Variants in CLNK observed in about 807,000 individuals in gnomAD.
The protein encoded by CLNK is cytokine-dependent hematopoietic cell linker.
CLNK carries 74 observed loss-of-function variants against 68.6 expected under a neutral mutation model. The observed-to-expected ratio is 1.08, with a 90% CI of 0.89 to 1.31. The LOEUF is 1.31. Among genes scored for constraint, CLNK ranks in the 50% most tolerant of loss-of-function variants. The pLI, the probability that CLNK is intolerant of heterozygous loss-of-function variation, is 0.00. For missense variants in CLNK, 553 were observed against 515.3 expected (o/e 1.07, Z -0.71); for synonymous variants, 198 against 172.2 (o/e 1.15, Z -1.17).
chr4:10,676,854 C>G (rs557734377), intron 1 of CLNK, among the ~76,000 whole-genome samples: 2 of 151,636 alleles, frequency 1.3e-5, no homozygotes, highest in African/African-American at 4.8e-5. Flanking sequence ...TCTCTCTGCT[C>G]TTATTATTAA....
At chr4:10,617,109 C>T (rs1722266464) in intron 2 of CLNK, among the ~76,000 whole-genome samples, 1 of 152,038 alleles carries the variant, frequency 6.6e-6, no homozygotes. Context: ...TAAGTTAATG[C>T]TACTATCCTT....
At chr4:10,522,128 G>A (rs1025740761) in intron 14 of CLNK, among the ~76,000 whole-genome samples, 1 of 151,650 alleles carries the variant, frequency 6.6e-6, no homozygotes, top group Non-Finnish European at 1.5e-5. Flanking sequence ...CATGGTGGTG[G>A]GCACCTGTAG....
At chr4:10,540,396 A>G in intron 11 of CLNK, 98 bp downstream of exon 11, 1 of 835,212 alleles carries the variant, frequency 1.2e-6, no homozygotes, top group South Asian at 1.5e-5. Flanking sequence ...CCCATTAGGG[A>G]GCCTGCTCTG....
intron 14 of CLNK, among the ~76,000 whole-genome samples, chr4:10,524,363 G>A (rs1718215420): frequency 6.6e-6 from 1 of 152,156 alleles, no homozygotes; most frequent in African/African-American, 2.4e-5. Flanking sequence ...TGTTCGTTGG[G>A]CTCTTGCAAC....
At chr4:10,657,713 G>T (rs1185341462) in intron 2 of CLNK, among the ~76,000 whole-genome samples, 1 of 152,166 alleles carries the variant, frequency 6.6e-6, no homozygotes, top group Non-Finnish European at 1.5e-5. Flanking sequence ...CCAAAAGGAG[G>T]CATTTCAGGG....
At chr4:10,661,321 C>T (rs980606746) in intron 2 of CLNK, among the ~76,000 whole-genome samples, 3 of 152,206 alleles carry the variant, frequency 2.0e-5, no homozygotes, top group Non-Finnish European at 2.9e-5. Context: ...GAACTGAATA[C>T]ATTTTATTGT....
At chr4:10,709,342 T>G in the CLNK span, among the ~76,000 whole-genome samples, 1 of 152,174 alleles carries the variant, frequency 6.6e-6, no homozygotes, top group African/African-American at 2.4e-5. Context: ...GTACTCAGAG[T>G]GACTTTCTTG....
chr4:10,515,002 C>T (rs977890571), intron 15 of CLNK, among the ~76,000 whole-genome samples: 6 of 152,226 alleles, frequency 3.9e-5, no homozygotes, highest in South Asian at 2.1e-4. Context: ...TTCGGGAGGC[C>T]GAGGCGGGTC....
intron 15 of CLNK, among the ~76,000 whole-genome samples, chr4:10,513,948 G>A (rs1435862301): frequency 2.0e-4 from 28 of 140,946 alleles, no homozygotes; most frequent in African/African-American, 7.0e-4. Context: ...ATGCTGGTGC[G>A]CTGCACCCAC....
At chr4:10,661,942 A>C (rs560256203) in intron 2 of CLNK, among the ~76,000 whole-genome samples, 2 of 152,284 alleles carry the variant, frequency 1.3e-5, no homozygotes, top group Admixed American at 6.5e-5. Flanking sequence ...ACCTCTACGA[A>C]TCTCTCCACC....
At chr4:10,599,940 T>C (rs1721528471) in intron 2 of CLNK, among the ~76,000 whole-genome samples, 1 of 152,254 alleles carries the variant, frequency 6.6e-6, no homozygotes, top group Non-Finnish European at 1.5e-5. Context: ...AGAACCTTTG[T>C]AATTATTAAT....
the CLNK span, among the ~76,000 whole-genome samples, chr4:10,720,415 G>C: frequency 1.3e-5 from 2 of 151,918 alleles, no homozygotes; most frequent in African/African-American, 4.8e-5. Context: ...AATTAAATTA[G>C]AAAGTAGGCT....
intron 11 of CLNK, among the ~76,000 whole-genome samples, chr4:10,539,614 G>A (rs1422087864): frequency 6.6e-6 from 1 of 152,200 alleles, no homozygotes; most frequent in Non-Finnish European, 1.5e-5. Context: ...AATGAAATAT[G>A]CTCACTCGAG....
the CLNK span, among the ~76,000 whole-genome samples, chr4:10,693,640 C>T: frequency 1.3e-5 from 2 of 152,192 alleles, no homozygotes; most frequent in African/African-American, 4.8e-5. Flanking sequence ...TTGTAAACCA[C>T]CCAGTTGGTG....
intron 1 of CLNK, among the ~76,000 whole-genome samples, chr4:10,673,080 T>A (rs541080417): frequency 2.0e-5 from 3 of 152,306 alleles, no homozygotes; most frequent in Non-Finnish European, 4.4e-5. Flanking sequence ...TCTAATCATG[T>A]CAAGCATCAA....
At chr4:10,595,096 C>G (rs1721336989) in intron 3 of CLNK, among the ~76,000 whole-genome samples, 1 of 151,958 alleles carries the variant, frequency 6.6e-6, no homozygotes, top group South Asian at 2.1e-4. Flanking sequence ...AAAACCAAAC[C>G]AAACCAAACC....
At chr4:10,517,209 C>T (rs1191317617) in intron 15 of CLNK, among the ~76,000 whole-genome samples, 1 of 151,594 alleles carries the variant, frequency 6.6e-6, no homozygotes, top group African/African-American at 2.4e-5. Context: ...CAAAAGAAGA[C>T]TGATACTGGA....
At chr4:10,591,055 A>G (rs775823202) in intron 3 of CLNK, among the ~76,000 whole-genome samples, 30 of 152,172 alleles carry the variant, frequency 2.0e-4, no homozygotes, top group Non-Finnish European at 4.0e-4. Context: ...CGTTTGCACC[A>G]TGGAGCTGTG....
chr4:10,725,985 ATT>A, the CLNK span, among the ~76,000 whole-genome samples: 1 of 152,202 alleles, frequency 6.6e-6, no homozygotes, highest in Non-Finnish European at 1.5e-5. Flanking sequence ...ATAGAAATAT[ATT>A]GTCTCACAGT....
Sources: allele counts gnomAD v4.1 joint callset (sites outside exome capture counted in the v4.1 genomes callset), GRCh38; gene constraint gnomAD v4.1.1; transcripts MANE v1.5; gene names NCBI Gene and HGNC (gene_info 2026-07-23, HGNC 2026-07-21).